The following THOC1 variants were observed in gnomAD, a reference collection of about 807,000 sequenced individuals.
THOC1 encodes the protein THO complex 1.
THOC1 carries 29 observed loss-of-function variants against 97.3 expected under a neutral mutation model. The ratio of observed to expected loss-of-function variants is 0.30; its 90% CI spans 0.22 to 0.41. The LOEUF is 0.41. Among genes scored for constraint, THOC1 ranks in the 10% least tolerant of loss-of-function variants. The pLI is 1.00. For missense variants in THOC1, 529 were observed against 761.9 expected (o/e 0.69, Z 3.60); for synonymous variants, 255 against 257.0 (o/e 0.99, Z 0.07).
At chr18:231,780 A>G (rs1447308886) in intron 11 of THOC1, among the ~76,000 whole-genome samples, 1 of 152,140 alleles carries the variant, frequency 6.6e-6, no homozygotes, top group African/African-American at 2.4e-5. Flanking sequence ...TTTTATACAC[A>G]TTTTATATTA....
chr18:221,238 G>GT (rs1911066315), intron 17 of THOC1, among the ~76,000 whole-genome samples: 1 of 152,002 alleles, frequency 6.6e-6, no homozygotes, highest in Admixed American at 6.6e-5. Context: ...ATTACACTAA[G>GT]TTTTTTCCAC....
intron 11 of THOC1, among the ~76,000 whole-genome samples, chr18:236,523 ATT>A (rs527643205): frequency 1.4e-5 from 2 of 144,572 alleles, no homozygotes; most frequent in African/African-American, 2.5e-5. Context: ...CGCCCGGCTA[ATT>A]TTTTTTTTTT....
rs8087639 is a variant in THOC1, at chr18:220,071, T to C, written c.1371-1102A>G. On this transcript the variant is annotated intron_variant, in intron 17 of 20. Coordinates refer to ENST00000261600, the MANE Select transcript of THOC1 (RefSeq NM_005131.3). ...AGAAAACTATCCCAATATCCATTCA[T>C]TTTCTAATGCTACAGATACTATATT... Among the ~76,000 whole-genome samples, 4,396 of 152,282 alleles carry C rather than the reference T, an allele frequency of 0.029. 364 individuals are homozygous for C. In the East Asian group the frequency reaches 0.32, roughly 11 times the overall value.
intron 15 of THOC1, 54 bp from the exon 16 acceptor site, chr18:224,233 T>G: frequency 7.9e-7 from 1 of 1,266,966 alleles, no homozygotes; most frequent in Non-Finnish European, 1.1e-6. Flanking sequence ...ATAACAGAAA[T>G]AGAAGAATGT....
At chr18:265,584 T>C (rs1725056589) in intron 1 of THOC1, 54 bp from the exon 2 acceptor site, 2 of 1,391,084 alleles carry the variant, frequency 1.4e-6, no homozygotes, top group African/African-American at 1.5e-5. Context: ...TATTATTTGC[T>C]GAAAAATATA....
intron 11 of THOC1, among the ~76,000 whole-genome samples, chr18:232,097 C>A (rs1567846850): frequency 6.6e-6 from 1 of 152,082 alleles, no homozygotes; most frequent in Admixed American, 6.5e-5. Flanking sequence ...AATTATTATT[C>A]TTATTTATTG....
intron 11 of THOC1, among the ~76,000 whole-genome samples, chr18:243,169 CTG>C (rs373709827): frequency 1.3e-3 from 195 of 152,252 alleles, no homozygotes; most frequent in African/African-American, 4.1e-3. Context: ...CTTCTCAAAG[CTG>C]TTTTTACCTT....
Position 254,175 on chromosome 18 carries a change from G to A in THOC1, c.603+98C>T, listed in dbSNP as rs1284204732. 5.9e-6 allele frequency: 5 copies of A among 841,168 alleles called. No homozygotes were observed. Among genetic ancestry groups the A allele is most frequent in the East Asian group, 5.4e-5 (2 of 36,860 alleles). 52.1% of individuals were successfully genotyped at this position (841,168 alleles called of 1,614,324 possible). ...GATCTGCCCACCTCAGCCTCCCAAA[G>A]TGCTAGGATTACAAGTGTGAGCCAC... On this transcript the variant is annotated intron_variant, in intron 8 of 20. Coordinates refer to ENST00000261600, the MANE Select transcript of THOC1 (RefSeq NM_005131.3). This position sits in a 1 kb window ranked among gnomAD's most constrained non-coding sequence, Gnocchi z 4.1.
intron 3 of THOC1, 74 bp downstream of exon 3, chr18:265,228 GA>G (rs930532639): frequency 7.7e-7 from 1 of 1,290,538 alleles, no homozygotes. Flanking sequence ...TCCATTCTAA[GA>G]AAAAAAGCAA....
rs1050836569 is a variant in THOC1 at position 236,565 on chromosome 18, G to A, written c.919-9664C>T. 1.0e-3 allele frequency among the ~76,000 whole-genome samples: 156 copies of A among 151,170 alleles called. 1 individual carries two copies. The highest frequency in any genetic ancestry group is 3.5e-3 in the African/African-American group (145 of 41,236). ...TTTTTAGTAGAGACAGGGTTTCACC[G>A]TGTTAGCCAGGATGGTCTCGATCTC... On this transcript the variant is annotated intron_variant, in intron 11 of 20. Coordinates refer to ENST00000261600, the MANE Select transcript of THOC1 (RefSeq NM_005131.3).
At chr18:267,725 G>A (rs1912824687) in intron 1 of THOC1, among the ~76,000 whole-genome samples, 1 of 152,188 alleles carries the variant, frequency 6.6e-6, no homozygotes, top group South Asian at 2.1e-4. Flanking sequence ...GAGCCGAGGC[G>A]CCCAGCACGC....
chr18:238,832 T>C (rs1911800520), intron 11 of THOC1, among the ~76,000 whole-genome samples: 1 of 152,218 alleles, frequency 6.6e-6, no homozygotes, highest in Admixed American at 6.5e-5. Flanking sequence ...TTAATACTCA[T>C]AGTCAATGTA....
chr18:254,150 G>A lies in THOC1; in HGVS notation c.603+123C>T, dbSNP rs1207096165. 1.8e-5 allele frequency: 12 copies of A among 681,180 alleles called. No homozygotes were observed. In the Middle Eastern group the frequency reaches 7.4e-4, roughly 42 times the overall value. The allele number at this position is 681,180 out of a possible 1,614,324, so 42.2% of individuals were successfully genotyped here. A position where few individuals can be genotyped will look rare whatever the true frequency, so the allele number is the denominator to read the frequency against. On this transcript the variant is annotated intron_variant, in intron 8 of 20. Coordinates refer to ENST00000261600, the MANE Select transcript of THOC1 (RefSeq NM_005131.3). The surrounding 1 kb of genome is among the most constrained non-coding windows in gnomAD (Gnocchi z 4.1). The stretch of plus-strand genomic sequence containing the variant: ...TGGTCTTGAACTCCTAGGCTCAAGC[G>A]ATCTGCCCACCTCAGCCTCCCAAAG...
intron 11 of THOC1, among the ~76,000 whole-genome samples, chr18:234,467 T>C (rs1479033311): frequency 6.6e-6 from 1 of 152,216 alleles, no homozygotes; most frequent in African/African-American, 2.4e-5. Context: ...TTTCTACTTT[T>C]TGTATTGAAT....
chr18:265,557 A>T, intron 1 of THOC1, 27 bp from the exon 2 acceptor site: 1 of 1,507,906 alleles, frequency 6.6e-7, no homozygotes, highest in Admixed American at 2.3e-5. Context: ...ATGGCAAATA[A>T]TTGTAAAGAT....
At chr18:248,839 C>T (rs1446085343) in intron 9 of THOC1, among the ~76,000 whole-genome samples, 1 of 152,118 alleles carries the variant, frequency 6.6e-6, no homozygotes, top group African/African-American at 2.4e-5. Context: ...CAAGCTCCGC[C>T]TCCCGGGTTC....
At position 264,092 on chromosome 18, in the gene THOC1, T is replaced by C. The variant is rs1567858811; in HGVS notation, c.190A>G (p.Ile64Val). The change falls in exon 4 of 21, where the codon ATA becomes GTA. Residue 64 changes from isoleucine to valine, a missense_variant and splice_region_variant. Physicochemically the swap from Ile to Val is conservative, Grantham distance 29. Transcript: ENST00000261600. ...AFRGILEEEI[I>V]NHSSCENVLA... ...ACGTTTTCACATGATGAATGATTTA[T>C]CTACCAACAGAGGAGAAACAATTTA... 3.1e-6 allele frequency: 5 copies of C among 1,608,620 alleles called. No individual in the cohort carries two copies. The highest frequency in any genetic ancestry group is 4.3e-6 in the Non-Finnish European group (5 of 1,176,420).
Position 242,400 on chromosome 18 carries a change from C to T in THOC1, c.918+3924G>A, listed in dbSNP as rs907109337. Among the ~76,000 whole-genome samples the T allele has an allele frequency of 2.0e-5, 3 of 151,506 alleles. No individual in the cohort carries two copies. Among genetic ancestry groups the T allele is most frequent in the African/African-American group, 7.3e-5 (3 of 41,228 alleles). On this transcript the variant is annotated intron_variant, in intron 11 of 20. Coordinates refer to ENST00000261600, the MANE Select transcript of THOC1 (RefSeq NM_005131.3). This position sits in a 1 kb window ranked among gnomAD's most constrained non-coding sequence, Gnocchi z 4.5. ...GGCTGAGGCACGAGAATCGCTTGAA[C>T]CCAGGAGGTGGAAGTTACAGTGGGC...
intron 9 of THOC1, among the ~76,000 whole-genome samples, chr18:248,945 T>C (rs1364966014): frequency 6.6e-6 from 1 of 152,074 alleles, no homozygotes; most frequent in East Asian, 1.9e-4. Flanking sequence ...AGAGACAGCA[T>C]TTCACCGTGT....
Sources: gnomAD v4.1 joint callset for allele counts (sites outside exome capture counted in the v4.1 genomes callset) on GRCh38, gnomAD v4.1.1 for gene constraint, Gnocchi (gnomAD v3.1) non-coding constraint, MANE v1.5 for transcripts, NCBI Gene and HGNC (gene_info 2026-07-23, HGNC 2026-07-21) for gene names.